Variants in SARS1 observed in about 807,000 individuals in gnomAD.
SARS1 encodes seryl-tRNA synthetase 1.
Under a neutral mutation model 63.7 loss-of-function variants are expected in SARS1, and 25 were observed. That is an observed-to-expected ratio of 0.39 (90% CI 0.29 to 0.55). The LOEUF is 0.55. Ranked by LOEUF, SARS1 falls within the 20% of genes least tolerant of loss-of-function variation. The pLI is 0.62. For missense variants in SARS1, 417 were observed against 649.7 expected (o/e 0.64, Z 3.89); for synonymous variants, 231 against 243.5 (o/e 0.95, Z 0.48).
chr1:109,213,940 A>G lies in SARS1; in HGVS notation c.-53A>G. On this transcript the variant is annotated 5_prime_UTR_variant, in exon 1 of 11. Transcript: ENST00000234677. ...GGCGCAGTGCGGCGGTCACAGGCTG[A>G]GTGCTGCGGCGCGATCCTTGCTTCC... is the stretch of plus-strand genomic sequence containing the variant. 1.9e-6 allele frequency: 3 copies of G among 1,547,976 alleles called. No individual in the cohort carries two copies. Among genetic ancestry groups the G allele is most frequent in the South Asian group, 1.2e-5 (1 of 83,456 alleles).
chr1:109,231,350 C>T, intron 5 of SARS1: 1 of 295,842 alleles, frequency 3.4e-6, no homozygotes, highest in Non-Finnish European at 6.1e-6. Context: ...GAATCAAAAT[C>T]CACTGTCATA....
intron 5 of SARS1, 112 bp downstream of exon 5, chr1:109,231,133 G>C: frequency 1.6e-6 from 1 of 637,242 alleles, no homozygotes; most frequent in Non-Finnish European, 2.2e-6. Flanking sequence ...GAGGCCCACA[G>C]ATCTACCAGT....
At chr1:109,227,507 TTTTG>T (rs1426450938) in intron 2 of SARS1, among the ~76,000 whole-genome samples, 4 of 152,254 alleles carry the variant, frequency 2.6e-5, no homozygotes, top group African/African-American at 7.2e-5. Flanking sequence ...TCCTGTGACT[TTTTG>T]TTTGTTTGTT....
chr1:109,221,233 G>A (rs1328960033), intron 1 of SARS1, among the ~76,000 whole-genome samples: 1 of 151,998 alleles, frequency 6.6e-6, no homozygotes, highest in Non-Finnish European at 1.5e-5. Context: ...GCTAATTTTT[G>A]TATTTTTAGT....
chr1:109,233,165 AT>A (rs11306493), intron 6 of SARS1, among the ~76,000 whole-genome samples: 136,937 of 150,812 alleles, frequency 0.91, 63,451 homozygotes, highest in Non-Finnish European at 1. Context: ...ATTTAATTTA[AT>A]TTTTTTTTTT....
At chr1:109,218,733 G>A (rs1654852161) in intron 1 of SARS1, among the ~76,000 whole-genome samples, 2 of 152,054 alleles carry the variant, frequency 1.3e-5, no homozygotes, top group South Asian at 2.1e-4. Flanking sequence ...TTATCAGGGT[G>A]TGCCACTCCC....
Position 109,228,379 on chromosome 1 carries a change from T to C in SARS1, c.235T>C (p.Ser79Pro). The change falls in exon 3 of 11, where the codon TCT becomes CCT. Residue 79 changes from serine (S) to proline (P), a missense_variant. By Grantham distance (74) the Ser-to-Pro change is moderately conservative (BLOSUM62 -1). Transcript: ENST00000234677. ...AAAAGAGCCAGTGGGAGATGATGAGTCTGTCCCAGAGAATGTGCTGAGTTT... is the reference window on the plus strand; with the variant it reads ...AAAAGAGCCAGTGGGAGATGATGAGCCTGTCCCAGAGAATGTGCTGAGTTT... ...KKKEPVGDDESVPENVLSFDD... is the reference protein window; with the variant it reads ...KKKEPVGDDEPVPENVLSFDD... 6.2e-7 allele frequency: 1 copy of C among 1,612,412 alleles called. No individual in the cohort carries two copies. Among genetic ancestry groups the C allele is most frequent in the Non-Finnish European group, 8.5e-7 (1 of 1,178,614 alleles).
At chr1:109,229,083 A>G (rs896264126) in intron 3 of SARS1, among the ~76,000 whole-genome samples, 1 of 152,214 alleles carries the variant, frequency 6.6e-6, no homozygotes, top group African/African-American at 2.4e-5. Context: ...TCAGTCAAGA[A>G]AATCAGAAAG....
chr1:109,215,406 A>T, intron 1 of SARS1: 1 of 985,442 alleles, frequency 1.0e-6, no homozygotes, highest in Non-Finnish European at 1.2e-6. Context: ...TATAATGTCC[A>T]CATCTGAGGG....
rs750841346 is a variant in SARS1, at chr1:109,237,520, G to C, written c.1387+147G>C. On this transcript the variant is annotated intron_variant, in intron 10 of 10. Coordinates refer to ENST00000234677, the MANE Select transcript of SARS1 (RefSeq NM_006513.4). The surrounding 1 kb of genome is among the most constrained non-coding windows in gnomAD (Gnocchi z 4.1). ...TGCCCTCTCGGGCTGGGCAGGGCAG[G>C]GGGCCTGGTTGAGAAAGTAGCCAGT... is the stretch of plus-strand genomic sequence containing the variant. The C allele has an allele frequency of 4.5e-6, 6 of 1,322,628 alleles. No individual in the cohort carries two copies. Among genetic ancestry groups the C allele is most frequent in the African/African-American group, 1.5e-5 (1 of 67,292 alleles). 81.9% of individuals were successfully genotyped at this position (1,322,628 alleles called of 1,614,324 possible). A position where few individuals can be genotyped will look rare whatever the true frequency, so the allele number is the denominator to read the frequency against.
chr1:109,217,197 A>G (rs1654809938), intron 1 of SARS1: 2 of 910,878 alleles, frequency 2.2e-6, no homozygotes, highest in Non-Finnish European at 2.6e-6. Context: ...TTATGTCCCA[A>G]TAAATCCACC....
Position 109,226,697 on chromosome 1 carries a change from TACAC to T in SARS1, c.208-1627_208-1624del, listed in dbSNP as rs369144830. ...AAAAAAATATATATATATATATATA[TACAC>T]ACACACACACACACACACACACACA... On this transcript the variant is annotated intron_variant, in intron 2 of 10. Coordinates refer to ENST00000234677, the MANE Select transcript of SARS1 (RefSeq NM_006513.4). 4.6e-3 allele frequency among the ~76,000 whole-genome samples: 479 copies of T among 104,026 alleles called. 17 individuals carry two copies. Among genetic ancestry groups the T allele is most frequent in the African/African-American group, 0.015 (401 of 26,300 alleles). The allele number at this position is 104,026 out of a possible 152,430, so 68.2% of individuals were successfully genotyped here.
chr1:109,218,055 T>C (rs1409960878), intron 1 of SARS1, among the ~76,000 whole-genome samples: 6 of 151,118 alleles, frequency 4.0e-5, no homozygotes, highest in African/African-American at 1.5e-4. Flanking sequence ...TAGCCGGGCA[T>C]GGTGGGGGGC....
In SARS1 at chr1:109,236,388, C is replaced by A; in HGVS notation, c.1100-3C>A. 1 of 1,588,722 alleles carries A rather than the reference C, an allele frequency of 6.3e-7. No individual in the cohort carries two copies. Among genetic ancestry groups the A allele is most frequent in the Non-Finnish European group, 8.6e-7 (1 of 1,160,830 alleles). On this transcript the variant is annotated splice_polypyrimidine_tract_variant and splice_region_variant and intron_variant, in intron 8 of 10. Coordinates refer to ENST00000234677, the MANE Select transcript of SARS1 (RefSeq NM_006513.4). ...CATGAATTCTAGGGGTTTTTCCTTA[C>A]AGGTTCTTTGAATCATGCTGCCAGT...
chr1:109,235,521 C>T lies in SARS1; in HGVS notation c.969+90C>T, dbSNP rs1038381260. 1 of 1,046,058 alleles carries T rather than the reference C, an allele frequency of 9.6e-7. No homozygotes were observed. The allele number at this position is 1,046,058 out of a possible 1,614,324, so 64.8% of individuals were successfully genotyped here. On this transcript the variant is annotated intron_variant, in intron 7 of 10. Coordinates refer to ENST00000234677, the MANE Select transcript of SARS1 (RefSeq NM_006513.4). The surrounding 1 kb of genome is among the most constrained non-coding windows in gnomAD (Gnocchi z 4.7). The stretch of plus-strand genomic sequence containing the variant: ...TAGGATCTGTGTTGCTGAGGCCCAT[C>T]CTGGCTCCAGCTTTTCCTCTCATTG...
intron 2 of SARS1, 144 bp downstream of exon 2, chr1:109,224,192 TA>T (rs1391499075): frequency 4.6e-6 from 3 of 655,772 alleles, no homozygotes; most frequent in Non-Finnish European, 8.0e-6. Context: ...AATATTATTT[TA>T]AAAAGATAGG....
chr1:109,236,262 TA>T, intron 8 of SARS1, 128 bp from the exon 9 acceptor site: 2 of 1,290,384 alleles, frequency 1.5e-6, no homozygotes, highest in Non-Finnish European at 2.2e-6. Flanking sequence ...TATTTGGTGT[TA>T]AGAATATCTG....
At chr1:109,219,650 T>C (rs1442872442) in intron 1 of SARS1, among the ~76,000 whole-genome samples, 2 of 151,852 alleles carry the variant, frequency 1.3e-5, no homozygotes, top group African/African-American at 2.4e-5. Flanking sequence ...GTAGCTGGGA[T>C]GACAGGCACC....
chr1:109,231,160 C>CA, intron 5 of SARS1, 139 bp downstream of exon 5: 1 of 469,386 alleles, frequency 2.1e-6, no homozygotes, highest in African/African-American at 2.0e-5. Context: ...TGCCTTTCTG[C>CA]AAATGTATTG....
Sources: allele counts gnomAD v4.1 joint callset (sites outside exome capture counted in the v4.1 genomes callset), GRCh38; gene constraint gnomAD v4.1.1; non-coding constraint Gnocchi (gnomAD v3.1); transcripts MANE v1.5; gene names NCBI Gene and HGNC (gene_info 2026-07-23, HGNC 2026-07-21).